Variants in NRG3 observed in about 807,000 individuals in gnomAD.
The protein encoded by NRG3 is neuregulin 3, also known as pro-neuregulin-3, membrane-bound isoform.
A neutral mutation model predicts 66.9 loss-of-function variants in NRG3; 31 were observed. The observed-to-expected ratio is 0.46, with a 90% CI of 0.35 to 0.63. NRG3 has a LOEUF of 0.63. Among genes scored for constraint, NRG3 ranks in the 20% least tolerant of loss-of-function variants. The probability of loss-of-function intolerance (pLI) is 0.00; values close to 1 mark genes in which losing one functional copy is unlikely to be tolerated. For synonymous variants in NRG3, 393 were observed against 359.4 expected (o/e 1.09, Z -1.06); for missense variants, 910 against 878.9 (o/e 1.04, Z -0.45).
intron 1 of NRG3, among the ~76,000 whole-genome samples, chr10:82,318,715 G>A (rs991807954): frequency 7.9e-5 from 12 of 152,156 alleles, no homozygotes; most frequent in African/African-American, 2.9e-4. Context: ...TCTTCTCACT[G>A]TTGCCTCTGC....
At chr10:82,984,232 C>T (rs1213076717) in intron 8 of NRG3, among the ~76,000 whole-genome samples, 1 of 152,190 alleles carries the variant, frequency 6.6e-6, no homozygotes, top group Non-Finnish European at 1.5e-5. Flanking sequence ...TGGAACAGCA[C>T]AGAGGAGACA....
chr10:81,965,841 G>T (rs181519866), intron 1 of NRG3, among the ~76,000 whole-genome samples: 2 of 152,006 alleles, frequency 1.3e-5, no homozygotes, highest in East Asian at 3.9e-4. Flanking sequence ...AGACAGTTTT[G>T]TTTCTTTCTT....
intron 1 of NRG3, among the ~76,000 whole-genome samples, chr10:82,155,500 C>T (rs557744079): frequency 6.6e-6 from 1 of 151,856 alleles, no homozygotes; most frequent in Admixed American, 6.6e-5. Flanking sequence ...AAGCACTATC[C>T]ATTGGGCCCC....
chr10:81,958,727 T>C (rs961018997), intron 1 of NRG3, among the ~76,000 whole-genome samples: 3 of 152,004 alleles, frequency 2.0e-5, no homozygotes, highest in Admixed American at 6.6e-5. Context: ...CTGTCTGTAC[T>C]AAAAATACAA....
At chr10:82,775,982 T>G (rs1191861996) in intron 3 of NRG3, among the ~76,000 whole-genome samples, 4 of 152,192 alleles carry the variant, frequency 2.6e-5, no homozygotes, top group Non-Finnish European at 5.9e-5. Context: ...GTCATTGCAG[T>G]AATGGAATAT....
At chr10:82,245,984 T>TTTTTG (rs1554859752) in intron 1 of NRG3, among the ~76,000 whole-genome samples, 1 of 140,990 alleles carries the variant, frequency 7.1e-6, no homozygotes, top group Non-Finnish European at 1.5e-5. Context: ...TCTGGTTTTT[T>TTTTTG]TTTTTTTTTT....
intron 2 of NRG3, among the ~76,000 whole-genome samples, chr10:82,613,275 T>C (rs950636691): frequency 1.3e-5 from 2 of 152,120 alleles, no homozygotes; most frequent in Non-Finnish European, 2.9e-5. Flanking sequence ...CTATTTTTAC[T>C]CATGTAGTTC....
At chr10:82,048,452 A>G (rs1388845609) in intron 1 of NRG3, among the ~76,000 whole-genome samples, 1 of 152,100 alleles carries the variant, frequency 6.6e-6, no homozygotes, top group Admixed American at 6.6e-5. Flanking sequence ...GACTCACTCA[A>G]AACCGCACAA....
chr10:82,722,467 A>T (rs2057370526), intron 2 of NRG3, among the ~76,000 whole-genome samples: 1 of 152,190 alleles, frequency 6.6e-6, no homozygotes, highest in Admixed American at 6.5e-5. Context: ...AAACTATTTG[A>T]TCCATCTTAT....
At chr10:82,238,246 G>A (rs1433712098) in intron 1 of NRG3, among the ~76,000 whole-genome samples, 1 of 151,838 alleles carries the variant, frequency 6.6e-6, no homozygotes, top group Non-Finnish European at 1.5e-5. Context: ...CTTGAATTCA[G>A]ACTACATTCT....
At chr10:82,247,811 G>C (rs1259342556) in intron 1 of NRG3, among the ~76,000 whole-genome samples, 1 of 152,096 alleles carries the variant, frequency 6.6e-6, no homozygotes, top group Non-Finnish European at 1.5e-5. Flanking sequence ...TGCCCATTCA[G>C]ATATATTCAT....
At chr10:82,453,135 G>GATT (rs981926077) in intron 2 of NRG3, among the ~76,000 whole-genome samples, 2 of 151,928 alleles carry the variant, frequency 1.3e-5, no homozygotes, top group African/African-American at 4.8e-5. Context: ...CTACCTTACA[G>GATT]ATTATTATTA....
intron 2 of NRG3, among the ~76,000 whole-genome samples, chr10:82,594,730 C>T (rs1049095270): frequency 6.6e-6 from 1 of 152,034 alleles, no homozygotes; most frequent in Non-Finnish European, 1.5e-5. Context: ...TTTCTCCATT[C>T]CTGGGTCTTA....
chr10:82,174,598 A>G (rs772276563), intron 1 of NRG3, among the ~76,000 whole-genome samples: 1 of 152,130 alleles, frequency 6.6e-6, no homozygotes, highest in Non-Finnish European at 1.5e-5. Flanking sequence ...TCTTGTAGCT[A>G]TAAGTAGCAC....
chr10:82,857,075 A>G (rs2063849961), intron 3 of NRG3, among the ~76,000 whole-genome samples: 1 of 152,210 alleles, frequency 6.6e-6, no homozygotes, highest in South Asian at 2.1e-4. Context: ...AATTCTACCC[A>G]TTATTTAGTC....
chr10:82,318,541 A>G (rs1319391054), intron 1 of NRG3, among the ~76,000 whole-genome samples: 4 of 152,156 alleles, frequency 2.6e-5, no homozygotes, highest in African/African-American at 9.7e-5. Context: ...TGCATCTGAC[A>G]ACTTTTGAGT....
chr10:81,951,314 T>C (rs1849335225), intron 1 of NRG3, among the ~76,000 whole-genome samples: 1 of 152,132 alleles, frequency 6.6e-6, no homozygotes, highest in Non-Finnish European at 1.5e-5. Flanking sequence ...CTCTGTAAAA[T>C]ATTTCCTGAT....
Position 82,825,076 on chromosome 10 carries a change from T to C in NRG3, c.1028-40335T>C, listed in dbSNP as rs570404622. ...ATGTATTATGCATCCAAGTCCTTTA[T>C]CAGTTACATGATTTACAAATATTTT... On this transcript the variant is annotated intron_variant, in intron 3 of 8. Transcript: ENST00000372141. Among the ~76,000 whole-genome samples the C allele has an allele frequency of 2.6e-5, 4 of 152,314 alleles. No homozygotes were observed. In the South Asian group the frequency reaches 8.3e-4, roughly 32 times the overall value.
intron 3 of NRG3, among the ~76,000 whole-genome samples, chr10:82,783,158 G>C (rs11195950): frequency 0.091 from 13,876 of 151,958 alleles, 654 homozygotes; most frequent in Middle Eastern, 0.18. Context: ...ATTCAACAAC[G>C]CTTCATGCTA....
Sources: gnomAD v4.1 joint callset for allele counts (sites outside exome capture counted in the v4.1 genomes callset) on GRCh38, gnomAD v4.1.1 for gene constraint, MANE v1.5 for transcripts, NCBI Gene and HGNC (gene_info 2026-07-23, HGNC 2026-07-21) for gene names.